ZFPM2: variants seen among roughly 807,000 people sequenced by gnomAD.
ZFPM2 encodes zinc finger protein ZFPM2.
ZFPM2 carries 20 observed loss-of-function variants against 98.6 expected under a neutral mutation model. The ratio of observed to expected loss-of-function variants is 0.20; its 90% confidence interval spans 0.14 to 0.29. The LOEUF (loss-of-function observed/expected upper bound fraction) is 0.29. Ranked by LOEUF, ZFPM2 falls within the 10% of genes least tolerant of loss-of-function variation. ZFPM2 has a pLI of 1.00. For synonymous variants in ZFPM2, 518 were observed against 502.7 expected, an observed-to-expected ratio of 1.03 and a Z score of -0.41; for missense variants, 1,310 against 1,388.6, an observed-to-expected ratio of 0.94 and a Z score of 0.90.
At chr8:105,412,245 A>G (rs1342577429) in intron 1 of ZFPM2, among the ~76,000 whole-genome samples, 1 of 151,848 alleles carries the variant, frequency 6.6e-6, no homozygotes, top group Non-Finnish European at 1.5e-5. Context: ...GTGTGGTCAA[A>G]TTGAATTCTC....
Position 105,803,502 on chromosome 8 carries a change from T to G in ZFPM2, c.3420T>G (p.Phe1140Leu). The change falls in exon 8 of 8, where the codon TTT (phenylalanine) becomes TTG (leucine). Residue 1140 changes from phenylalanine to leucine, a missense_variant. Transcript: ENST00000407775. ...CAAACTTTATAACTCACAAGAAGTT[T>G]TATTGCTCATCACATGCAGCAGAAC... Reference protein sequence around the residue: ...NLSNFITHKKFYCSSHAAEHV... With the variant: ...NLSNFITHKKLYCSSHAAEHV... 6.2e-7 allele frequency: 1 copy of G among 1,611,850 alleles called. No homozygotes were observed. Among genetic ancestry groups the G allele is most frequent in the Non-Finnish European group, 8.5e-7 (1 of 1,178,866 alleles).
chr8:105,781,613 C>T (rs1381483475), intron 5 of ZFPM2, among the ~76,000 whole-genome samples: 3 of 151,992 alleles, frequency 2.0e-5, no homozygotes, highest in East Asian at 1.9e-4. Context: ...TCCAGCTACT[C>T]GGGAGGCTGT....
intron 3 of ZFPM2, among the ~76,000 whole-genome samples, chr8:105,449,772 T>C (rs1812448886): frequency 6.6e-6 from 1 of 152,040 alleles, no homozygotes; most frequent in Non-Finnish European, 1.5e-5. Flanking sequence ...AACTACCTCA[T>C]TAATGAGATT....
chr8:105,713,345 G>C (rs1262030236), intron 5 of ZFPM2, among the ~76,000 whole-genome samples: 2 of 151,916 alleles, frequency 1.3e-5, no homozygotes, highest in Non-Finnish European at 2.9e-5. Context: ...ATTTGTTCAT[G>C]TCCTTTGCCC....
intron 1 of ZFPM2, among the ~76,000 whole-genome samples, chr8:105,405,844 C>G (rs374283442): frequency 6.5e-4 from 99 of 152,096 alleles, no homozygotes; most frequent in African/African-American, 1.8e-3. Context: ...AGATCCCTGA[C>G]GAATTGCCAC....
At chr8:105,403,813 C>T (rs532077120) in intron 1 of ZFPM2, among the ~76,000 whole-genome samples, 119 of 152,060 alleles carry the variant, frequency 7.8e-4, no homozygotes, top group African/African-American at 2.5e-3. Context: ...GATGACTCAG[C>T]GTGCAGCGTC....
intron 5 of ZFPM2, among the ~76,000 whole-genome samples, chr8:105,711,494 A>T (rs1811396471): frequency 1.3e-5 from 2 of 151,988 alleles, no homozygotes; most frequent in Admixed American, 1.3e-4. Context: ...AGGTTTTGTC[A>T]CCTGGCTCAA....
chr8:105,506,003 G>A (rs1168253497), intron 3 of ZFPM2, among the ~76,000 whole-genome samples: 1 of 152,004 alleles, frequency 6.6e-6, no homozygotes, highest in Admixed American at 6.6e-5. Flanking sequence ...ACACAATGAA[G>A]AAGCAAAAAC....
chr8:105,793,441 C>G (rs1475110835), intron 6 of ZFPM2, among the ~76,000 whole-genome samples: 1 of 152,186 alleles, frequency 6.6e-6, no homozygotes, highest in African/African-American at 2.4e-5. Context: ...TGTAGAGTTT[C>G]TGCCGAGAGA....
intron 5 of ZFPM2, among the ~76,000 whole-genome samples, chr8:105,703,591 G>A (rs577504079): frequency 2.0e-5 from 3 of 152,264 alleles, no homozygotes; most frequent in Non-Finnish European, 4.4e-5. Context: ...AACAGATTGT[G>A]TGACATGGAT....
At chr8:105,379,272 G>A (rs1040999534) in intron 1 of ZFPM2, among the ~76,000 whole-genome samples, 3 of 151,914 alleles carry the variant, frequency 2.0e-5, no homozygotes, top group African/African-American at 2.4e-5. Flanking sequence ...ATCTGCATAT[G>A]AACATCAAGT....
At chr8:105,772,176 A>G (rs1422231311) in intron 5 of ZFPM2, among the ~76,000 whole-genome samples, 2 of 152,154 alleles carry the variant, frequency 1.3e-5, no homozygotes, top group Non-Finnish European at 2.9e-5. Context: ...TGTGGCCCAG[A>G]ACTTCCACTT....
chr8:105,712,905 T>C (rs1811437678), intron 5 of ZFPM2, among the ~76,000 whole-genome samples: 1 of 152,098 alleles, frequency 6.6e-6, no homozygotes, highest in Non-Finnish European at 1.5e-5. Flanking sequence ...TTTTTATGGC[T>C]GCATAGTGTT....
At position 105,669,656 on chromosome 8, in the gene ZFPM2, G is replaced by A. The variant is rs1293930611; in HGVS notation, c.532+35299G>A. ...CTTAGGATAGACTTTTTTGATAAAT[G>A]TGACAGGGTCAGTAACGATAATCCT... On this transcript the variant is annotated intron_variant, in intron 5 of 7. Coordinates refer to ENST00000407775, the MANE Select transcript of ZFPM2 (RefSeq NM_012082.4). 2.0e-5 allele frequency among the ~76,000 whole-genome samples: 3 copies of A among 151,884 alleles called. No homozygotes were observed. The East Asian group carries it at 5.8e-4, about 29-fold the overall frequency.
At chr8:105,540,392 A>G (rs536541723) in intron 3 of ZFPM2, among the ~76,000 whole-genome samples, 1 of 152,208 alleles carries the variant, frequency 6.6e-6, no homozygotes, top group Non-Finnish European at 1.5e-5. Flanking sequence ...CCTGCTTCAT[A>G]TGGTTTTTAT....
intron 5 of ZFPM2, among the ~76,000 whole-genome samples, chr8:105,770,976 C>A (rs1812967936): frequency 1.3e-5 from 2 of 152,110 alleles, no homozygotes; most frequent in South Asian, 4.1e-4. Context: ...TTGCTCTGCT[C>A]ACTCCTGGCC....
intron 4 of ZFPM2, among the ~76,000 whole-genome samples, chr8:105,591,757 G>C (rs1318191477): frequency 1.3e-5 from 2 of 152,072 alleles, no homozygotes; most frequent in Non-Finnish European, 2.9e-5. Flanking sequence ...AATAACACAA[G>C]CAGTTATTAA....
chr8:105,612,850 AAAG>A (rs1816334158), intron 4 of ZFPM2, among the ~76,000 whole-genome samples: 1 of 152,194 alleles, frequency 6.6e-6, no homozygotes, highest in African/African-American at 2.4e-5. Flanking sequence ...AAGCTGAAAT[AAAG>A]AAGATAATTT....
At chr8:105,377,607 C>CAAAAAAA (rs36124912) in intron 1 of ZFPM2, among the ~76,000 whole-genome samples, 776 of 63,876 alleles carry the variant, frequency 0.012, 270 homozygotes, top group African/African-American at 0.044. Context: ...CTTAAAAATC[C>CAAAAAAA]AAAAAAAAAA....
Sources: allele counts gnomAD v4.1 joint callset (sites outside exome capture counted in the v4.1 genomes callset), GRCh38; gene constraint gnomAD v4.1.1; transcripts MANE v1.5; gene names NCBI Gene and HGNC (gene_info 2026-07-23, HGNC 2026-07-21).